Variants in SLMAP observed in about 807,000 individuals in gnomAD.
SLMAP encodes the protein sarcolemma associated protein, also known as sarcolemmal membrane-associated protein.
Under a neutral mutation model 128.8 loss-of-function variants are expected in SLMAP, and 44 were observed. The ratio of observed to expected loss-of-function variants is 0.34; its 90% CI spans 0.27 to 0.44. The LOEUF is 0.44. Among genes scored for constraint, SLMAP ranks in the 20% least tolerant of loss-of-function variants. SLMAP has a pLI of 1.00. For missense variants in SLMAP, 787 were observed against 985.3 expected (o/e 0.80, Z 2.69); for synonymous variants, 327 against 348.8 (o/e 0.94, Z 0.70).
At chr3:57,762,321 A>C (rs1006831330) in intron 2 of SLMAP, among the ~76,000 whole-genome samples, 63 of 151,864 alleles carry the variant, frequency 4.1e-4, no homozygotes, top group African/African-American at 1.5e-3. Flanking sequence ...GTGAGCTGAG[A>C]TCGCGCCACT....
intron 9 of SLMAP, 21 bp from the exon 10 acceptor site, chr3:57,861,928 G>T (rs764236749): frequency 6.3e-7 from 1 of 1,596,678 alleles, no homozygotes; most frequent in Admixed American, 1.7e-5. Context: ...TAATTAAATT[G>T]CCTGTAAACT....
chr3:57,883,131 T>A (rs2095791310), intron 14 of SLMAP, among the ~76,000 whole-genome samples: 1 of 152,204 alleles, frequency 6.6e-6, no homozygotes, highest in Non-Finnish European at 1.5e-5. Flanking sequence ...TCATAGTAAG[T>A]TGGGCAAGGT....
chr3:57,805,543 C>T (rs928090173), intron 2 of SLMAP, among the ~76,000 whole-genome samples: 2 of 152,202 alleles, frequency 1.3e-5, no homozygotes, highest in East Asian at 1.9e-4. Context: ...CCTCTTACTA[C>T]TTCTAACACT....
intron 5 of SLMAP, among the ~76,000 whole-genome samples, chr3:57,849,497 A>C (rs1291500063): frequency 1.3e-5 from 2 of 152,218 alleles, no homozygotes; most frequent in East Asian, 3.8e-4. Context: ...ATATTAAAGA[A>C]GTATTTAATG....
At chr3:57,823,137 A>T (rs1388714125) in intron 2 of SLMAP, among the ~76,000 whole-genome samples, 1 of 152,126 alleles carries the variant, frequency 6.6e-6, no homozygotes, top group Non-Finnish European at 1.5e-5. Context: ...ATGGACAGAA[A>T]CCATCCTTGG....
chr3:57,791,317 A>G (rs1309758063), intron 2 of SLMAP, among the ~76,000 whole-genome samples: 1 of 151,988 alleles, frequency 6.6e-6, no homozygotes, highest in African/African-American at 2.4e-5. Flanking sequence ...CCGAGACTGC[A>G]CCACTGCACT....
intron 3 of SLMAP, among the ~76,000 whole-genome samples, chr3:57,837,526 G>A (rs145551861): frequency 3.3e-5 from 5 of 152,130 alleles, no homozygotes; most frequent in African/African-American, 1.2e-4. Context: ...CCACCACCAC[G>A]TCCGGCTAAT....
At chr3:57,780,888 C>T (rs2082899147) in intron 2 of SLMAP, among the ~76,000 whole-genome samples, 1 of 151,766 alleles carries the variant, frequency 6.6e-6, no homozygotes, top group East Asian at 1.9e-4. Flanking sequence ...AGTGATCTAC[C>T]CACCTCAGAC....
intron 5 of SLMAP, among the ~76,000 whole-genome samples, chr3:57,847,882 G>A (rs1211205093): frequency 6.6e-6 from 1 of 152,068 alleles, no homozygotes; most frequent in Non-Finnish European, 1.5e-5. Context: ...AAGAATGAAA[G>A]CCTGCTTAAA....
chr3:57,817,911 A>G (rs2092063295), intron 2 of SLMAP, among the ~76,000 whole-genome samples: 1 of 152,220 alleles, frequency 6.6e-6, no homozygotes, highest in Non-Finnish European at 1.5e-5. Context: ...CTATTTTACT[A>G]TTCTTACCAT....
At chr3:57,796,908 G>A (rs2086859709) in intron 2 of SLMAP, among the ~76,000 whole-genome samples, 1 of 152,148 alleles carries the variant, frequency 6.6e-6, no homozygotes. Context: ...GGCTGGATAT[G>A]GTGGCTCATG....
intron 17 of SLMAP, chr3:57,901,952 GA>G (rs1184467825): frequency 6.6e-6 from 1 of 152,186 alleles, no homozygotes; most frequent in Non-Finnish European, 1.5e-5. Flanking sequence ...AAAATCGCTT[GA>G]ACCCGGGAGG....
chr3:57,914,110 G>A (rs564804550), intron 21 of SLMAP, among the ~76,000 whole-genome samples: 2 of 152,270 alleles, frequency 1.3e-5, no homozygotes, highest in South Asian at 4.1e-4. Context: ...TACTTGACAA[G>A]CAAATCAGTG....
chr3:57,912,428 A>G lies in SLMAP; in HGVS notation c.1747A>G (p.Lys583Glu), dbSNP rs1260232243. The G allele has an allele frequency of 2.1e-5, 34 of 1,613,784 alleles. No individual in the cohort carries two copies. Among genetic ancestry groups the G allele is most frequent in the African/African-American group, 2.7e-5 (2 of 74,906 alleles). ...HIDTENLREE[K>E]DSEITSTRDE... ...CGATACTGAGAATCTCCGGGAGGAG[A>G]AGGACAGTGAAATCACAAGTACTAG... The change falls in exon 20 of 25, where the codon AAG (lysine) becomes GAG (glutamate). Residue 583 changes from lysine (K) to glutamate (E), a missense_variant. Lys to Glu is a moderately conservative substitution (Grantham distance 56). Transcript: ENST00000671191.
intron 2 of SLMAP, among the ~76,000 whole-genome samples, chr3:57,766,510 G>A (rs1285944728): frequency 6.6e-6 from 1 of 152,124 alleles, no homozygotes; most frequent in South Asian, 2.1e-4. Flanking sequence ...AACGTTCTAA[G>A]TTTACAGTCC....
intron 15 of SLMAP, among the ~76,000 whole-genome samples, chr3:57,892,714 A>G (rs940557992): frequency 4.6e-5 from 7 of 152,012 alleles, no homozygotes; most frequent in Non-Finnish European, 7.4e-5. Flanking sequence ...GGAGGCCAAG[A>G]TAAGAGGATC....
chr3:57,881,098 G>A (rs561927466), intron 14 of SLMAP, among the ~76,000 whole-genome samples: 1 of 152,154 alleles, frequency 6.6e-6, no homozygotes, highest in South Asian at 2.1e-4. Flanking sequence ...GGAGGCTGAG[G>A]CAGGAGAATC....
chr3:57,858,454 C>G (rs1479713777), intron 8 of SLMAP, among the ~76,000 whole-genome samples: 2 of 152,130 alleles, frequency 1.3e-5, no homozygotes, highest in African/African-American at 2.4e-5. Context: ...TTTTAGCTCC[C>G]CCTCCCACTC....
chr3:57,842,163 T>A (rs189963723), intron 4 of SLMAP, among the ~76,000 whole-genome samples: 5 of 152,200 alleles, frequency 3.3e-5, no homozygotes, highest in African/African-American at 1.2e-4. Context: ...AAGTAGAGCA[T>A]TGAATAGGAA....
Sources: gnomAD v4.1 joint callset for allele counts (sites outside exome capture counted in the v4.1 genomes callset) on GRCh38, gnomAD v4.1.1 for gene constraint, MANE v1.5 for transcripts, NCBI Gene and HGNC (gene_info 2026-07-23, HGNC 2026-07-21) for gene names.